Variants in KIF26B observed in about 807,000 individuals in gnomAD.
KIF26B encodes kinesin-like protein KIF26B.
In KIF26B, 63 loss-of-function variants were observed where a neutral mutation model predicts 151.2. The ratio of observed to expected loss-of-function variants is 0.42; its 90% confidence interval spans 0.34 to 0.51. The LOEUF (loss-of-function observed/expected upper bound fraction) is 0.51. Among genes scored for constraint, KIF26B ranks in the 20% least tolerant of loss-of-function variants. The probability of loss-of-function intolerance (pLI) is 0.07; values close to 1 mark genes in which losing one functional copy is unlikely to be tolerated. For synonymous variants in KIF26B, 1,357 were observed against 1,262.1 expected, an observed-to-expected ratio of 1.08 and a Z score of -1.59; for missense variants, 2,813 against 2,913.6, an observed-to-expected ratio of 0.97 and a Z score of 0.79.
chr1:245,623,921 A>G (rs2043693040), intron 9 of KIF26B, among the ~76,000 whole-genome samples: 1 of 152,150 alleles, frequency 6.6e-6, no homozygotes, highest in South Asian at 2.1e-4. Flanking sequence ...TCCTCGCCCA[A>G]ATTTCATGTT....
chr1:245,317,195 C>A lies in KIF26B; in HGVS notation c.466-49639C>A, dbSNP rs144779370. Among the ~76,000 whole-genome samples the A allele has an allele frequency of 3.0e-3, 460 of 152,310 alleles. 3 individuals carry two copies. Among genetic ancestry groups the A allele is most frequent in the African/African-American group, 0.011 (439 of 41,560 alleles). ...AGATCTTAAAAGCTAGAATTTAGTT[C>A]TCTTCCCGGTAGAAGGAAGGAGTTG... On this transcript the variant is annotated intron_variant, in intron 2 of 14. Coordinates refer to ENST00000407071, the MANE Select transcript of KIF26B (RefSeq NM_018012.4).
intron 5 of KIF26B, among the ~76,000 whole-genome samples, chr1:245,596,811 G>T (rs1311608686): frequency 6.6e-6 from 1 of 152,150 alleles, no homozygotes; most frequent in Non-Finnish European, 1.5e-5. Context: ...GCGAATCTGG[G>T]TGCTCCTGTA....
intron 2 of KIF26B, among the ~76,000 whole-genome samples, chr1:245,334,052 G>A (rs1161400063): frequency 6.6e-6 from 1 of 152,024 alleles, no homozygotes; most frequent in Non-Finnish European, 1.5e-5. Context: ...GGGCTGGGGT[G>A]GGCGATTTAT....
At chr1:245,584,085 G>A (rs2043202250) in intron 5 of KIF26B, among the ~76,000 whole-genome samples, 1 of 152,176 alleles carries the variant, frequency 6.6e-6, no homozygotes. Context: ...CTGGCGGGAG[G>A]TGACTGCATC....
At chr1:245,301,568 C>T (rs112017482) in intron 2 of KIF26B, among the ~76,000 whole-genome samples, 2 of 152,216 alleles carry the variant, frequency 1.3e-5, no homozygotes, top group African/African-American at 4.8e-5. Flanking sequence ...TTGGACTTGG[C>T]GCGGAGTCCC....
chr1:245,610,004 T>C (rs933772160), intron 8 of KIF26B, among the ~76,000 whole-genome samples: 4 of 152,180 alleles, frequency 2.6e-5, no homozygotes, highest in South Asian at 4.1e-4. Context: ...GCTAGAACTA[T>C]GGAAGCCAAG....
rs2103102620 is a variant in KIF26B, at chr1:245,540,717, G to T, written c.1167-50G>T. On this transcript the variant is annotated intron_variant, in intron 4 of 14. Coordinates refer to ENST00000407071, the MANE Select transcript of KIF26B (RefSeq NM_018012.4). The surrounding 1 kb of genome is among the most constrained non-coding windows in gnomAD (Gnocchi z 4.6). ...AAGAGAAAACGAAGTAAGCCTAGCAGATCTGATCGTACAATCATTTTCCCC... is the reference window on the plus strand; with the variant it reads ...AAGAGAAAACGAAGTAAGCCTAGCATATCTGATCGTACAATCATTTTCCCC... 6.6e-7 allele frequency: 1 copy of T among 1,513,616 alleles called. No homozygotes were observed. Among genetic ancestry groups the T allele is most frequent in the Non-Finnish European group, 9.2e-7 (1 of 1,088,456 alleles). 93.8% of individuals were successfully genotyped at this position (1,513,616 alleles called of 1,614,324 possible). A position where few individuals can be genotyped will look rare whatever the true frequency, so the allele number is the denominator to read the frequency against.
intron 2 of KIF26B, among the ~76,000 whole-genome samples, chr1:245,332,328 G>A (rs919652986): frequency 1.4e-4 from 22 of 152,036 alleles, no homozygotes; most frequent in African/African-American, 3.1e-4. Context: ...ACCCCCACCC[G>A]TCTCCCAAGG....
intron 10 of KIF26B, among the ~76,000 whole-genome samples, chr1:245,672,872 G>T (rs1410764185): frequency 1.3e-5 from 2 of 151,080 alleles, no homozygotes; most frequent in Non-Finnish European, 3.0e-5. Context: ...CAAATCCATT[G>T]TTTTTTTTTA....
intron 2 of KIF26B, among the ~76,000 whole-genome samples, chr1:245,262,515 G>T (rs555148423): frequency 6.6e-6 from 1 of 151,944 alleles, no homozygotes; most frequent in Non-Finnish European, 1.5e-5. Context: ...GTGCAATGGC[G>T]CGATCTTGGC....
intron 2 of KIF26B, among the ~76,000 whole-genome samples, chr1:245,361,143 C>T (rs1672809130): frequency 6.6e-6 from 1 of 152,214 alleles, no homozygotes; most frequent in Admixed American, 6.6e-5. Flanking sequence ...TCTTTACCTT[C>T]TGCAATACCT....
intron 3 of KIF26B, among the ~76,000 whole-genome samples, chr1:245,405,801 C>T (rs1322288032): frequency 6.6e-6 from 1 of 152,068 alleles, no homozygotes; most frequent in Non-Finnish European, 1.5e-5. Context: ...TTAAAAATTG[C>T]TTACTGAATT....
At chr1:245,315,053 G>A (rs544687740) in intron 2 of KIF26B, among the ~76,000 whole-genome samples, 46 of 152,054 alleles carry the variant, frequency 3.0e-4, no homozygotes, top group Non-Finnish European at 5.0e-4. Context: ...GGTGGCGGGC[G>A]CCTGTAATCC....
At position 245,419,637 on chromosome 1, in the gene KIF26B, G is replaced by A. The variant is rs768456420; in HGVS notation, c.1058G>A (p.Arg353His). 1.2e-5 allele frequency: 19 copies of A among 1,613,736 alleles called. No individual in the cohort carries two copies. Among genetic ancestry groups the A allele is most frequent in the East Asian group, 6.7e-5 (3 of 44,874 alleles). The change falls in exon 4 of 15, where the codon CGC becomes CAC. Residue 353 changes from arginine to histidine, a missense_variant. By Grantham distance (29) the Arg-to-His change is conservative. Around this residue, in one of 3 missense-constraint regions of KIF26B, gnomAD observed 676 missense variants for 688.1 expected, o/e 0.98. Transcript: ENST00000407071. ...REGLTEAVLN[R>H]YNADKPSACS... ...GGACTAACAGAAGCAGTGCTGAACCGCTACAATGCAGACAAGCCTTCCGCC... is the reference window on the plus strand; with the variant it reads ...GGACTAACAGAAGCAGTGCTGAACCACTACAATGCAGACAAGCCTTCCGCC...
In KIF26B at chr1:245,490,449, C is replaced by T. The variant is rs377717429; in HGVS notation, c.1167-50318C>T. On this transcript the variant is annotated intron_variant, in intron 4 of 14. Transcript: ENST00000407071. ...GCCTCAGCCTCTTGAGTACCTGGGA[C>T]TACAGGCGCACACCACCACGTCCAG... 4.2e-4 allele frequency among the ~76,000 whole-genome samples: 63 copies of T among 151,700 alleles called. 1 individual carries two copies. Among genetic ancestry groups the T allele is most frequent in the African/African-American group, 1.5e-3 (63 of 41,332 alleles).
At chr1:245,460,044 G>A (rs553852269) in intron 4 of KIF26B, among the ~76,000 whole-genome samples, 189 of 152,126 alleles carry the variant, frequency 1.2e-3, no homozygotes, top group African/African-American at 4.3e-3. Flanking sequence ...CAGTGGCATG[G>A]TATCGTCTCA....
At chr1:245,541,396 G>T (rs1173606802) in intron 5 of KIF26B, among the ~76,000 whole-genome samples, 1 of 152,184 alleles carries the variant, frequency 6.6e-6, no homozygotes, top group African/African-American at 2.4e-5. Context: ...CCACTGAGGG[G>T]ATTGTGAGGA....
rs539821457 is a variant in KIF26B, at chr1:245,165,153, C to A, written c.465+8470C>A. On this transcript the variant is annotated intron_variant, in intron 2 of 14. Transcript: ENST00000407071. ...TGTCACCGAGACCAGTTGGGAGGCC[C>A]CTTGCAGTGGCTTGAGTGAAGAATG... Among the ~76,000 whole-genome samples the A allele has an allele frequency of 6.6e-5, 10 of 151,564 alleles. No individual in the cohort carries two copies. In the South Asian group the frequency reaches 2.1e-3, roughly 32 times the overall value.
At chr1:245,452,314 T>TAC (rs1351038611) in intron 4 of KIF26B, among the ~76,000 whole-genome samples, 1 of 152,244 alleles carries the variant, frequency 6.6e-6, no homozygotes, top group East Asian at 1.9e-4. Flanking sequence ...GTATTATATA[T>TAC]ACCATACTTT....
Sources: allele counts gnomAD v4.1 joint callset (sites outside exome capture counted in the v4.1 genomes callset), GRCh38; gene constraint gnomAD v4.1.1; regional missense constraint gnomAD v4.1.1; non-coding constraint Gnocchi (gnomAD v3.1); transcripts MANE v1.5; gene names NCBI Gene and HGNC (gene_info 2026-07-23, HGNC 2026-07-21).